The following DPY30 variants were observed in gnomAD, a reference collection of about 807,000 sequenced individuals.
DPY30 encodes protein dpy-30 homolog.
DPY30 carries 6 observed loss-of-function variants against 16.2 expected under a neutral mutation model. That is an observed-to-expected ratio of 0.37 (90% CI 0.20 to 0.73). DPY30 has a LOEUF of 0.73. Ranked by LOEUF, DPY30 falls within the 30% of genes least tolerant of loss-of-function variation. The pLI is 0.51. For missense variants in DPY30, 73 were observed against 113.1 expected (o/e 0.65, Z 1.61); for synonymous variants, 39 against 38.8 (o/e 1.00, Z -0.02).
downstream of DPY30, chr2:32,023,718 C>G (rs1344706994): frequency 7.7e-7 from 1 of 1,304,152 alleles, no homozygotes; most frequent in Non-Finnish European, 1.0e-6. Context: ...CAGATCCCAC[C>G]CTCAGAAAGG....
intron 3 of DPY30, among the ~76,000 whole-genome samples, chr2:32,033,160 TA>T (rs1675606100): frequency 6.7e-6 from 1 of 149,662 alleles, no homozygotes; most frequent in African/African-American, 2.5e-5. Context: ...ATACAAAAAT[TA>T]ACCAGGCATG....
rs1675243075 is a variant in DPY30 at position 32,023,967 on chromosome 2, A to G, written c.*217T>C. ...AACAAAGTTAAAGACAATCTGAGAA[A>G]AAAATTGCACAGAATACACTCATTA... On this transcript the variant is annotated 3_prime_UTR_variant, in exon 5 of 5. Coordinates refer to ENST00000342166, the MANE Select transcript of DPY30 (RefSeq NM_001321209.2). 7.1e-7 allele frequency: 1 copy of G among 1,414,998 alleles called. No individual in the cohort carries two copies. Among genetic ancestry groups the G allele is most frequent in the African/African-American group, 1.4e-5 (1 of 69,180 alleles). The allele number at this position is 1,414,998 out of a possible 1,614,324, so 87.7% of individuals were successfully genotyped here.
chr2:32,027,678 G>A (rs1462459650), intron 4 of DPY30, among the ~76,000 whole-genome samples: 1 of 144,866 alleles, frequency 6.9e-6, no homozygotes, highest in Admixed American at 7.0e-5. Context: ...GCCCAGGCTG[G>A]AGTGCAGTGG....
At position 32,024,150 on chromosome 2, in the gene DPY30, G is replaced by A. The variant is rs775728094; in HGVS notation, c.*34C>T. 6.2e-7 allele frequency: 1 copy of A among 1,600,866 alleles called. No individual in the cohort carries two copies. Among genetic ancestry groups the A allele is most frequent in the Non-Finnish European group, 8.5e-7 (1 of 1,173,168 alleles). ...TGCCTCTTAATCATGTAAATCTACA[G>A]TAGCAACTAAATTTTTCTGTTCTTC... On this transcript the variant is annotated 3_prime_UTR_variant, in exon 5 of 5. Coordinates refer to ENST00000342166, the MANE Select transcript of DPY30 (RefSeq NM_001321209.2).
Position 32,016,847 on chromosome 2 carries a change from TATATA to T in DPY30, n.378-4800_378-4796del, listed in dbSNP as rs374562610. Reference sequence around the variant, plus strand: ...GAACTGTTTATATGATTTCCAGTTATATATAATATATGACACCAAAATATAATAGT... The same window carrying T: ...GAACTGTTTATATGATTTCCAGTTATATATATGACACCAAAATATAATAGT... On this transcript the variant is annotated intron_variant and non_coding_transcript_variant, in intron 5 of 5. Transcript: ENST00000414013. 4.2e-3 allele frequency among the ~76,000 whole-genome samples: 633 copies of T among 152,310 alleles called. 9 individuals are homozygous for T. Among genetic ancestry groups the T allele is most frequent in the African/African-American group, 0.015 (622 of 41,572 alleles).
chr2:32,014,547 G>A (rs1004769373), intron 5 of DPY30, among the ~76,000 whole-genome samples: 8 of 151,448 alleles, frequency 5.3e-5, no homozygotes, highest in South Asian at 2.1e-4. Flanking sequence ...GCAGTGGTGC[G>A]GTCTCGGCTC....
At chr2:32,023,432 G>A (rs1369746379), downstream of DPY30, 30 of 471,088 alleles carry the variant, frequency 6.4e-5, no homozygotes, top group East Asian at 1.9e-3. Context: ...CAGCAGTGTT[G>A]TCTTGAGCAT....
rs1216575168 is a variant in DPY30, at chr2:32,024,180, T to A, written c.*4A>T. ...AACTAAATTTTTCTGTTCTTCCCAT[T>A]AAGTCAGTTTCGATCTTCAAACTGT... On this transcript the variant is annotated 3_prime_UTR_variant, in exon 5 of 5. Transcript: ENST00000342166. 1 of 1,611,154 alleles carries A rather than the reference T, an allele frequency of 6.2e-7. No individual in the cohort carries two copies. Among genetic ancestry groups the A allele is most frequent in the Admixed American group, 1.7e-5 (1 of 59,692 alleles).
intron 5 of DPY30, among the ~76,000 whole-genome samples, chr2:32,016,725 G>A (rs1000919902): frequency 5.3e-5 from 8 of 151,184 alleles, no homozygotes; most frequent in East Asian, 1.9e-4. Flanking sequence ...ACCCACCAAC[G>A]TAATTCATGA....
chr2:32,022,586 C>T (rs1420113636), downstream of DPY30, among the ~76,000 whole-genome samples: 3 of 151,742 alleles, frequency 2.0e-5, no homozygotes, highest in African/African-American at 7.3e-5. Flanking sequence ...GGCACAATCT[C>T]GGCTCACTGC....
At chr2:32,027,335 G>A (rs1164073111) in intron 4 of DPY30, among the ~76,000 whole-genome samples, 1 of 148,688 alleles carries the variant, frequency 6.7e-6, no homozygotes, top group Non-Finnish European at 1.5e-5. Context: ...TTCAAGACCA[G>A]CCTGGCCAAC....
chr2:32,025,980 C>T (rs908206027), intron 4 of DPY30, among the ~76,000 whole-genome samples: 3 of 151,870 alleles, frequency 2.0e-5, no homozygotes, highest in Admixed American at 6.6e-5. Flanking sequence ...TGGTGGCGCA[C>T]ACCTGTAGTC....
intron 3 of DPY30, 125 bp from the exon 4 acceptor site, chr2:32,029,861 T>G (rs550593821): frequency 2.0e-6 from 2 of 1,016,024 alleles, no homozygotes; most frequent in Non-Finnish European, 2.9e-6. Context: ...AAGATGGTAC[T>G]AGACCACAAA....
downstream of DPY30, among the ~76,000 whole-genome samples, chr2:32,019,239 C>A (rs950924472): frequency 6.6e-5 from 10 of 152,060 alleles, no homozygotes; most frequent in African/African-American, 2.2e-4. Flanking sequence ...ACTACAGGCA[C>A]GCCCCACCGC....
At chr2:32,037,707 G>GCA (rs1351946452) in intron 3 of DPY30, among the ~76,000 whole-genome samples, 1 of 151,760 alleles carries the variant, frequency 6.6e-6, no homozygotes, top group Non-Finnish European at 1.5e-5. Context: ...ACAGGCACTT[G>GCA]CCACCACGCC....
intron 5 of DPY30, among the ~76,000 whole-genome samples, chr2:32,013,586 G>A (rs781467403): frequency 2.0e-5 from 3 of 152,182 alleles, no homozygotes; most frequent in Non-Finnish European, 4.4e-5. Context: ...CAATTTTCAT[G>A]TTATTATCAA....
intron 4 of DPY30, among the ~76,000 whole-genome samples, chr2:32,028,059 A>G (rs1675399794): frequency 6.6e-6 from 1 of 152,140 alleles, no homozygotes; most frequent in Non-Finnish European, 1.5e-5. Flanking sequence ...ATATAAACAA[A>G]TTATCTATTC....
In DPY30 at chr2:32,027,703, A is replaced by T. The variant is rs1675385268; in HGVS notation, c.227+1891T>A. On this transcript the variant is annotated intron_variant, in intron 4 of 4. Transcript: ENST00000342166. Reference sequence around the variant, plus strand: ...GAGTGCAGTGGCGCAATCTCGGCTCACTGCAAGCTCCGCCTCCCGGGTTCA... The same window carrying T: ...GAGTGCAGTGGCGCAATCTCGGCTCTCTGCAAGCTCCGCCTCCCGGGTTCA... Among the ~76,000 whole-genome samples the T allele has an allele frequency of 2.2e-5, 3 of 136,262 alleles. No individual in the cohort carries two copies. The South Asian group carries it at 6.9e-4, about 31-fold the overall frequency. 89.4% of individuals were successfully genotyped at this position (136,262 alleles called of 152,430 possible). A position where few individuals can be genotyped will look rare whatever the true frequency, so the allele number is the denominator to read the frequency against.
downstream of DPY30, among the ~76,000 whole-genome samples, chr2:32,018,932 G>A (rs925255710): frequency 1.6e-4 from 25 of 151,984 alleles, no homozygotes; most frequent in African/African-American, 6.0e-4. Context: ...AGGCTGAGGT[G>A]GGAGGATCAC....
Sources: allele counts gnomAD v4.1 joint callset (sites outside exome capture counted in the v4.1 genomes callset), GRCh38; gene constraint gnomAD v4.1.1; transcripts MANE v1.5; gene names NCBI Gene and HGNC (gene_info 2026-07-23, HGNC 2026-07-21).